Variants in SUGCT observed in about 807,000 individuals in gnomAD.
The protein encoded by SUGCT is succinyl-CoA:glutarate CoA-transferase.
SUGCT carries 41 observed loss-of-function variants against 55.0 expected under a neutral mutation model. The observed-to-expected ratio is 0.74, with a 90% confidence interval of 0.58 to 0.97. SUGCT has a LOEUF of 0.97. Among genes scored for constraint, SUGCT ranks in the 50% least tolerant of loss-of-function variants. SUGCT has a pLI of 0.00. For missense variants in SUGCT, 568 were observed against 547.8 expected, an observed-to-expected ratio of 1.04 and a Z score of -0.37; for synonymous variants, 187 against 200.4, an observed-to-expected ratio of 0.93 and a Z score of 0.56.
intron 7 of SUGCT, among the ~76,000 whole-genome samples, chr7:40,247,480 ACTC>A (rs1419352251): frequency 1.3e-4 from 19 of 151,124 alleles, no homozygotes; most frequent in Non-Finnish European, 5.9e-5. Context: ...CTGGTTTTGA[ACTC>A]CTAACCTCAA....
At chr7:40,530,923 G>A (rs1794050593) in intron 12 of SUGCT, among the ~76,000 whole-genome samples, 1 of 152,178 alleles carries the variant, frequency 6.6e-6, no homozygotes, top group African/African-American at 2.4e-5. Context: ...ATAGTTTAGG[G>A]TCTCAAAGAA....
At chr7:40,783,070 G>A (rs1356584254) in intron 13 of SUGCT, among the ~76,000 whole-genome samples, 1 of 152,098 alleles carries the variant, frequency 6.6e-6, no homozygotes, top group Non-Finnish European at 1.5e-5. Context: ...GCTGAGGAAG[G>A]CTGACTTTGA....
intron 7 of SUGCT, among the ~76,000 whole-genome samples, chr7:40,238,290 A>G (rs1012769592): frequency 5.9e-5 from 9 of 152,152 alleles, no homozygotes; most frequent in Non-Finnish European, 1.2e-4. Flanking sequence ...CAGTGAAATA[A>G]TTATTTGATT....
At chr7:40,815,663 G>T (rs527525215) in intron 13 of SUGCT, among the ~76,000 whole-genome samples, 1 of 152,302 alleles carries the variant, frequency 6.6e-6, no homozygotes, top group South Asian at 2.1e-4. Context: ...GCATAGGAAG[G>T]GTGGGGTAGT....
intron 11 of SUGCT, among the ~76,000 whole-genome samples, chr7:40,482,778 G>C (rs769150339): frequency 1.3e-5 from 2 of 152,168 alleles, no homozygotes; most frequent in Non-Finnish European, 2.9e-5. Context: ...TGAATGATTA[G>C]TATGGACGAG....
At chr7:40,262,899 G>A (rs890310061) in intron 7 of SUGCT, among the ~76,000 whole-genome samples, 4 of 152,146 alleles carry the variant, frequency 2.6e-5, no homozygotes, top group Admixed American at 6.5e-5. Context: ...TACTCTCTGT[G>A]ACTTTGACAA....
intron 7 of SUGCT, among the ~76,000 whole-genome samples, chr7:40,265,475 T>C (rs1791506068): frequency 6.6e-6 from 1 of 152,178 alleles, no homozygotes; most frequent in African/African-American, 2.4e-5. Context: ...CCCTCCTTCT[T>C]TTCTTCCTTC....
chr7:40,866,479 A>G, the SUGCT span, among the ~76,000 whole-genome samples: 4 of 147,222 alleles, frequency 2.7e-5, no homozygotes, highest in Admixed American at 6.9e-5. Flanking sequence ...AGAAAAATGA[A>G]CTCCCTTTTC....
At chr7:40,272,126 A>G (rs1792085795) in intron 7 of SUGCT, among the ~76,000 whole-genome samples, 1 of 114,594 alleles carries the variant, frequency 8.7e-6, no homozygotes, top group Admixed American at 9.2e-5. Flanking sequence ...TGTTTCAAAA[A>G]CAACTGCAAT....
intron 12 of SUGCT, among the ~76,000 whole-genome samples, chr7:40,686,136 C>T (rs1189031363): frequency 6.6e-6 from 1 of 151,992 alleles, no homozygotes; most frequent in South Asian, 2.1e-4. Context: ...TTATACTTTT[C>T]TTCTGGTTCC....
At chr7:40,269,849 A>C (rs1791887293) in intron 7 of SUGCT, among the ~76,000 whole-genome samples, 1 of 152,122 alleles carries the variant, frequency 6.6e-6, no homozygotes, top group South Asian at 2.1e-4. Flanking sequence ...TTCTTTAAAA[A>C]TTCTGGGCTG....
chr7:40,959,870 C>G, the SUGCT span, among the ~76,000 whole-genome samples: 1 of 152,146 alleles, frequency 6.6e-6, no homozygotes, highest in Non-Finnish European at 1.5e-5. Context: ...AGTATCTGGG[C>G]CAGAGTGCAC....
At chr7:41,007,525 G>A in the SUGCT span, among the ~76,000 whole-genome samples, 7 of 152,120 alleles carry the variant, frequency 4.6e-5, no homozygotes, top group African/African-American at 1.2e-4. Flanking sequence ...CCAGGGAACC[G>A]GATGCAATGC....
At chr7:40,258,567 CAG>C (rs1351212801) in intron 7 of SUGCT, among the ~76,000 whole-genome samples, 4 of 152,130 alleles carry the variant, frequency 2.6e-5, no homozygotes, top group Non-Finnish European at 5.9e-5. Flanking sequence ...TTAGTAGAGA[CAG>C]AGTTTCACCA....
chr7:40,930,442 T>C, the SUGCT span, among the ~76,000 whole-genome samples: 1 of 152,242 alleles, frequency 6.6e-6, no homozygotes, highest in Non-Finnish European at 1.5e-5. Flanking sequence ...AAGTAGTTTT[T>C]TCCAATTCTG....
Position 40,821,731 on chromosome 7 carries a change from A to AT in SUGCT, c.1154-38578dup, listed in dbSNP as rs543152329. 7.2e-5 allele frequency among the ~76,000 whole-genome samples: 11 copies of AT among 151,954 alleles called. No homozygotes were observed. In the South Asian group the frequency reaches 1.7e-3, roughly 23 times the overall value. On this transcript the variant is annotated intron_variant, in intron 13 of 13. Coordinates refer to ENST00000335693, the MANE Select transcript of SUGCT (RefSeq NM_001193313.2). ...AAAAAACCAGCTCCTGGATTCATTG[A>AT]TTTTTTTGAAGGGTTTTTTGTGTCT... is the stretch of plus-strand genomic sequence containing the variant.
At chr7:40,298,800 C>T (rs770493092) in intron 8 of SUGCT, among the ~76,000 whole-genome samples, 2 of 151,450 alleles carry the variant, frequency 1.3e-5, no homozygotes, top group Non-Finnish European at 2.9e-5. Flanking sequence ...GGTTTTTAGA[C>T]AAATGAAGAA....
intron 12 of SUGCT, among the ~76,000 whole-genome samples, chr7:40,748,623 TTG>T (rs1196557867): frequency 1.2e-4 from 18 of 151,686 alleles, no homozygotes; most frequent in African/African-American, 3.9e-4. Flanking sequence ...ATACTTATTG[TTG>T]TCTTTGAAAT....
chr7:40,327,237 G>A (rs1350508990), intron 9 of SUGCT, among the ~76,000 whole-genome samples: 2 of 148,626 alleles, frequency 1.3e-5, no homozygotes, highest in East Asian at 2.0e-4. Flanking sequence ...TGGGATTCTT[G>A]TTAAAGCAAG....
Sources: allele counts gnomAD v4.1 joint callset (sites outside exome capture counted in the v4.1 genomes callset), GRCh38; gene constraint gnomAD v4.1.1; transcripts MANE v1.5; gene names NCBI Gene and HGNC (gene_info 2026-07-23, HGNC 2026-07-21).